Variants in SLC23A2 observed in about 807,000 individuals in gnomAD.
The protein encoded by SLC23A2 is solute carrier family 23 member 2, also known as Na(+)/L-ascorbic acid transporter 2.
In SLC23A2, 36 loss-of-function variants were observed where a neutral mutation model predicts 73.3. The ratio of observed to expected loss-of-function variants is 0.49; its 90% CI spans 0.38 to 0.65. The LOEUF is 0.65. Ranked by LOEUF, SLC23A2 falls within the 30% of genes least tolerant of loss-of-function variation. The pLI is 0.00. For synonymous variants in SLC23A2, 343 were observed against 327.3 expected, an observed-to-expected ratio of 1.05 and a Z score of -0.52; for missense variants, 507 against 841.6, an observed-to-expected ratio of 0.60 and a Z score of 4.92.
At chr20:4,920,617 A>AGTG (rs1313603551) in intron 3 of SLC23A2, among the ~76,000 whole-genome samples, 2 of 152,240 alleles carry the variant, frequency 1.3e-5, no homozygotes. Context: ...TTGCAGTTAT[A>AGTG]AAAAACAATG....
rs1039519339 is a variant in SLC23A2 at position 5,006,588 on chromosome 20, C to T, written c.-282+3594G>A. 1.4e-3 allele frequency among the ~76,000 whole-genome samples: 188 copies of T among 132,864 alleles called. 1 individual carries two copies. The highest frequency in any genetic ancestry group is 0.011 in the Middle Eastern group (3 of 266). The allele number at this position is 132,864 out of a possible 152,430, so 87.2% of individuals were successfully genotyped here. A position where few individuals can be genotyped will look rare whatever the true frequency, so the allele number is the denominator to read the frequency against. On this transcript the variant is annotated intron_variant, in intron 1 of 16. Coordinates refer to the SLC23A2 transcript ENST00000379333. ...ATTTATTTATTTATTTATTTTGAGA[C>T]GGAGTCTTGCTCTGTTGGCCAGGCT... is the stretch of plus-strand genomic sequence containing the variant.
chr20:4,960,677 TA>T lies in SLC23A2; in HGVS notation c.-155+10115del, dbSNP rs540850557. 5.3e-5 allele frequency among the ~76,000 whole-genome samples: 8 copies of T among 152,338 alleles called. No individual in the cohort carries two copies. In the East Asian group the frequency reaches 1.3e-3, roughly 26 times the overall value. On this transcript the variant is annotated intron_variant, in intron 2 of 16. Coordinates refer to ENST00000338244, the MANE Select transcript of SLC23A2 (RefSeq NM_005116.6). ...ATTATTATATGTTGGTTTGTGAATA[TA>T]TAAGCATGTAACACAAAAGTAAAGA...
In SLC23A2 at chr20:4,899,157, C is replaced by T. The variant is rs188556515; in HGVS notation, c.482+398G>A. On this transcript the variant is annotated intron_variant, in intron 6 of 16. Coordinates refer to ENST00000338244, the MANE Select transcript of SLC23A2 (RefSeq NM_005116.6). The surrounding 1 kb of genome is among the most constrained non-coding windows in gnomAD (Gnocchi z 4.9). ...GGAGGGTGTGGAAGTAGAAAGATGG[C>T]ACTGGGTGTGGGGCACAAAGTGAGT... 1.1e-4 allele frequency among the ~76,000 whole-genome samples: 16 copies of T among 152,266 alleles called. 1 individual carries two copies. Among genetic ancestry groups the T allele is most frequent in the Admixed American group, 9.8e-4 (15 of 15,294 alleles).
At chr20:4,952,301 T>C (rs1028569262) in intron 2 of SLC23A2, among the ~76,000 whole-genome samples, 2 of 152,128 alleles carry the variant, frequency 1.3e-5, no homozygotes, top group Non-Finnish European at 2.9e-5. Flanking sequence ...GAAAGAATCG[T>C]AGACACATCC....
At chr20:4,971,599 T>C (rs911780087) in intron 1 of SLC23A2, among the ~76,000 whole-genome samples, 5 of 140,256 alleles carry the variant, frequency 3.6e-5, no homozygotes, top group African/African-American at 1.3e-4. Flanking sequence ...CTGGGCAACA[T>C]AGTGAAACCT....
intron 3 of SLC23A2, among the ~76,000 whole-genome samples, chr20:4,929,482 G>T (rs993614455): frequency 6.6e-6 from 1 of 152,114 alleles, no homozygotes; most frequent in Non-Finnish European, 1.5e-5. Flanking sequence ...CCACCCTAGG[G>T]TCTGCCTCTG....
At chr20:4,921,577 C>A (rs1055452640) in intron 3 of SLC23A2, among the ~76,000 whole-genome samples, 4 of 150,528 alleles carry the variant, frequency 2.7e-5, no homozygotes, top group Admixed American at 2.6e-4. Flanking sequence ...CAGAGTGAGA[C>A]CCTGTCTCAA....
At chr20:4,879,710 C>T (rs1277364798) in intron 9 of SLC23A2, among the ~76,000 whole-genome samples, 1 of 152,054 alleles carries the variant, frequency 6.6e-6, no homozygotes, top group African/African-American at 2.4e-5. Flanking sequence ...AAAAAACCTA[C>T]CATGGAGCCA....
intron 15 of SLC23A2, among the ~76,000 whole-genome samples, chr20:4,861,394 C>A (rs1443323274): frequency 6.6e-6 from 1 of 152,150 alleles, no homozygotes; most frequent in African/African-American, 2.4e-5. Context: ...TATGTATAAA[C>A]AAACACTCCT....
At chr20:4,885,374 T>C (rs925769325) in intron 7 of SLC23A2, among the ~76,000 whole-genome samples, 4 of 152,230 alleles carry the variant, frequency 2.6e-5, no homozygotes, top group Admixed American at 2.0e-4. Context: ...TTAAGGATCT[T>C]TGCAATCACT....
Position 4,862,081 on chromosome 20 carries a change from C to T in SLC23A2, c.1491G>A (p.Met497Ile). ...GGTTAGAGAGGCCAACAGCTGTGAT[C>T]ATTCCTGGAGAAAAACAAACCAGAC... The part of the protein sequence containing the change: ...LGALFCTLFG[M>I]ITAVGLSNLQ... The change falls in exon 15 of 17, where the codon ATG becomes ATA. Residue 497 changes from methionine (M) to isoleucine (I), a missense_variant. By Grantham distance (10) the Met-to-Ile change is conservative. Coordinates refer to ENST00000338244, the MANE Select transcript of SLC23A2 (RefSeq NM_005116.6). This position sits in a 1 kb window ranked among gnomAD's most constrained non-coding sequence, Gnocchi z 5.1. 6.2e-7 allele frequency: 1 copy of T among 1,614,090 alleles called. No individual in the cohort carries two copies. Among genetic ancestry groups the T allele is most frequent in the Non-Finnish European group, 8.5e-7 (1 of 1,179,962 alleles).
At chr20:4,871,944 G>A (rs181179975) in intron 11 of SLC23A2, among the ~76,000 whole-genome samples, 1 of 151,974 alleles carries the variant, frequency 6.6e-6, no homozygotes, top group African/African-American at 2.4e-5. Flanking sequence ...GATTTTGAAG[G>A]GGGATTCTTA....
chr20:4,877,569 A>G (rs1235588961), intron 9 of SLC23A2, among the ~76,000 whole-genome samples: 2 of 152,182 alleles, frequency 1.3e-5, no homozygotes, highest in Non-Finnish European at 2.9e-5. Flanking sequence ...GTTAACAATC[A>G]TGAGATTTTT....
chr20:4,924,147 C>A (rs979596832), intron 3 of SLC23A2, among the ~76,000 whole-genome samples: 1 of 152,104 alleles, frequency 6.6e-6, no homozygotes, highest in Admixed American at 6.6e-5. Context: ...CTAGGCACAC[C>A]CATCAGGACA....
At chr20:4,929,417 G>T (rs946653992) in intron 3 of SLC23A2, among the ~76,000 whole-genome samples, 1 of 152,232 alleles carries the variant, frequency 6.6e-6, no homozygotes, top group East Asian at 1.9e-4. Context: ...GGCCAGGCAG[G>T]CTTCCCCACT....
intron 15 of SLC23A2, 148 bp downstream of exon 15, chr20:4,861,800 G>A: frequency 2.5e-6 from 2 of 791,606 alleles, no homozygotes; most frequent in Admixed American, 4.9e-5. Flanking sequence ...GGTAAGTATT[G>A]AAAAGTGAGA....
At chr20:4,882,905 G>A (rs1288909345) in intron 9 of SLC23A2, among the ~76,000 whole-genome samples, 1 of 152,108 alleles carries the variant, frequency 6.6e-6, no homozygotes, top group Non-Finnish European at 1.5e-5. Flanking sequence ...CAGAGTAATG[G>A]AACCATATAC....
intron 6 of SLC23A2, among the ~76,000 whole-genome samples, chr20:4,897,487 C>T (rs898853425): frequency 1.3e-5 from 2 of 152,192 alleles, no homozygotes; most frequent in East Asian, 1.9e-4. Context: ...GGGCATGGGG[C>T]GCACAGACAC....
intron 1 of SLC23A2, among the ~76,000 whole-genome samples, chr20:5,009,576 G>C (rs1192523130): frequency 2.0e-5 from 3 of 152,174 alleles, no homozygotes; most frequent in Non-Finnish European, 4.4e-5. Context: ...TCCTCACGTG[G>C]TGCCTACCAC....
Sources: allele counts gnomAD v4.1 joint callset (sites outside exome capture counted in the v4.1 genomes callset), GRCh38; gene constraint gnomAD v4.1.1; non-coding constraint Gnocchi (gnomAD v3.1); transcripts MANE v1.5; gene names NCBI Gene and HGNC (gene_info 2026-07-23, HGNC 2026-07-21).